GYPE: variants seen among roughly 807,000 people sequenced by gnomAD.
GYPE encodes glycophorin-E.
A neutral mutation model predicts 11.6 loss-of-function variants in GYPE; 8 were observed. The ratio of observed to expected loss-of-function variants is 0.69; its 90% CI spans 0.41 to 1.25. The LOEUF (loss-of-function observed/expected upper bound fraction) is 1.25, where lower values mean the gene tolerates loss of function less well. Ranked by LOEUF, GYPE falls within the 50% of genes most tolerant of loss-of-function variation. The probability of loss-of-function intolerance (pLI) is 0.01; values close to 1 mark genes in which losing one functional copy is unlikely to be tolerated. For synonymous variants in GYPE, 28 were observed against 29.6 expected (o/e 0.94, Z 0.18); for missense variants, 90 against 92.8 (o/e 0.97, Z 0.12).
chr4:143,883,007 T>C (rs1466024577), intron 1 of GYPE, among the ~76,000 whole-genome samples: 1 of 152,180 alleles, frequency 6.6e-6, no homozygotes, highest in Non-Finnish European at 1.5e-5. Flanking sequence ...ATCTGTGTCA[T>C]CATCCAAATC....
At chr4:143,876,923 A>G in intron 2 of GYPE, 68 bp from the exon 3 acceptor site, 1 of 826,384 alleles carries the variant, frequency 1.2e-6, no homozygotes, top group Non-Finnish European at 2.1e-6. Flanking sequence ...CAATTGAAAA[A>G]TAAGATAACA....
chr4:143,873,849 C>T (rs1053104076), intron 3 of GYPE, among the ~76,000 whole-genome samples: 3 of 151,980 alleles, frequency 2.0e-5, no homozygotes, highest in Non-Finnish European at 4.4e-5. Flanking sequence ...AGTTTTATTC[C>T]TAAACCTATC....
chr4:143,897,321 T>C (rs1744690233), intron 1 of GYPE, among the ~76,000 whole-genome samples: 1 of 151,580 alleles, frequency 6.6e-6, no homozygotes, highest in Admixed American at 6.6e-5. Flanking sequence ...ACAAAAAAAT[T>C]AGTCAGGTGT....
intron 1 of GYPE, among the ~76,000 whole-genome samples, chr4:143,895,738 G>A (rs1389058940): frequency 6.7e-5 from 10 of 148,318 alleles, no homozygotes; most frequent in African/African-American, 2.5e-4. Context: ...GAGGCATCAC[G>A]CTACCTGGCT....
At chr4:143,880,198 A>C (rs1274307911) in intron 2 of GYPE, among the ~76,000 whole-genome samples, 4 of 152,058 alleles carry the variant, frequency 2.6e-5, no homozygotes, top group Non-Finnish European at 4.4e-5. Flanking sequence ...ACATTGTTTT[A>C]ATTTCTTTAA....
intron 1 of GYPE, among the ~76,000 whole-genome samples, chr4:143,891,482 C>A (rs550927676): frequency 1.3e-5 from 2 of 151,758 alleles, no homozygotes; most frequent in South Asian, 2.1e-4. Flanking sequence ...GTGCCCGCCA[C>A]CAAGCCTGAC....
chr4:143,877,652 G>T (rs1305697270), intron 2 of GYPE, among the ~76,000 whole-genome samples: 6 of 152,124 alleles, frequency 3.9e-5, no homozygotes, highest in African/African-American at 1.4e-4. Flanking sequence ...TTGATAAAAA[G>T]TGAAAGTAGC....
chr4:143,899,132 C>T (rs1201764960), intron 1 of GYPE, among the ~76,000 whole-genome samples: 1 of 147,978 alleles, frequency 6.8e-6, no homozygotes, highest in Non-Finnish European at 1.5e-5. Flanking sequence ...AGCTGCACCA[C>T]GTGAGGAAGA....
At chr4:143,905,391 A>G (rs911642952) in intron 1 of GYPE, 80 bp downstream of exon 1, 1 of 1,603,050 alleles carries the variant, frequency 6.2e-7, no homozygotes, top group Non-Finnish European at 8.5e-7. Flanking sequence ...ATAAGATAGA[A>G]CTAAAATAGG....
At chr4:143,878,042 T>C (rs1486687469) in intron 2 of GYPE, among the ~76,000 whole-genome samples, 1 of 150,830 alleles carries the variant, frequency 6.6e-6, no homozygotes, top group African/African-American at 2.4e-5. Context: ...GTACTCAGGG[T>C]TGGTTAGAAA....
intron 1 of GYPE, among the ~76,000 whole-genome samples, chr4:143,901,324 TTG>T (rs1456730362): frequency 6.6e-6 from 1 of 152,164 alleles, no homozygotes; most frequent in African/African-American, 2.4e-5. Flanking sequence ...AAAGCAGAGA[TTG>T]TGTTTGTTCG....
intron 1 of GYPE, among the ~76,000 whole-genome samples, chr4:143,901,671 T>G (rs1744873770): frequency 6.6e-6 from 1 of 152,084 alleles, no homozygotes; most frequent in South Asian, 2.1e-4. Flanking sequence ...ATATTACATT[T>G]GCAGTTGGTG....
chr4:143,890,197 A>C (rs1744349203), intron 1 of GYPE, among the ~76,000 whole-genome samples: 1 of 152,220 alleles, frequency 6.6e-6, no homozygotes. Flanking sequence ...GCAAATCCAC[A>C]TTACGGAAGA....
At chr4:143,894,408 T>A (rs1017231832) in intron 1 of GYPE, among the ~76,000 whole-genome samples, 1 of 152,008 alleles carries the variant, frequency 6.6e-6, no homozygotes, top group Non-Finnish European at 1.5e-5. Context: ...GTTTCCAGTT[T>A]TTCTGCTCTG....
rs770037362 is a variant in GYPE, at chr4:143,905,472, T to G, written c.36A>C (p.Ser12=). 9.3e-6 allele frequency: 15 copies of G among 1,612,946 alleles called. No homozygotes were observed. In the African/African-American group the frequency reaches 2.0e-4, roughly 22 times the overall value. ...YGKIIFVLLL[S]GIVSISASST... ...CCAAGATGAAATAAAATCACTTACC[T>G]GACAATAGTAATACAAAGATTATTT... The change falls in exon 1 of 4, where the codon TCA becomes TCC. Residue 12 remains serine (S), a splice_region_variant and synonymous_variant. Transcript: ENST00000358615.
intron 1 of GYPE, among the ~76,000 whole-genome samples, chr4:143,900,187 A>C (rs1744807514): frequency 6.7e-6 from 1 of 149,278 alleles, no homozygotes; most frequent in Non-Finnish European, 1.5e-5. Flanking sequence ...CAACAACTAC[A>C]TGAGAAGATT....
chr4:143,883,851 A>T (rs1744150473), intron 1 of GYPE, among the ~76,000 whole-genome samples: 1 of 152,078 alleles, frequency 6.6e-6, no homozygotes, highest in African/African-American at 2.4e-5. Context: ...AGTAAAAAAT[A>T]AAAATACACA....
At chr4:143,874,630 T>C (rs1219409945) in intron 3 of GYPE, among the ~76,000 whole-genome samples, 4 of 152,204 alleles carry the variant, frequency 2.6e-5, no homozygotes. Context: ...ACACTCCTCC[T>C]TCTGACTCCA....
chr4:143,890,274 A>T (rs1054693175), intron 1 of GYPE, among the ~76,000 whole-genome samples: 13 of 152,272 alleles, frequency 8.5e-5, no homozygotes, highest in Admixed American at 3.9e-4. Context: ...AGCATATTCC[A>T]ATCTGGTCAC....
Sources: allele counts gnomAD v4.1 joint callset (sites outside exome capture counted in the v4.1 genomes callset), GRCh38; gene constraint gnomAD v4.1.1; transcripts MANE v1.5; gene names NCBI Gene and HGNC (gene_info 2026-07-23, HGNC 2026-07-21).